NR2C2: variants seen among roughly 807,000 people sequenced by gnomAD.
The protein encoded by NR2C2 is nuclear receptor subfamily 2 group C member 2, also known as Nuclear hormone receptor TR4.
Under a neutral mutation model 62.9 loss-of-function variants are expected in NR2C2, and 6 were observed. That is an observed-to-expected ratio of 0.10 (90% CI 0.05 to 0.19). The LOEUF (loss-of-function observed/expected upper bound fraction) is 0.19. NR2C2 is among the 10% of genes least tolerant of loss of function. The probability of loss-of-function intolerance (pLI) is 1.00; values close to 1 mark genes in which losing one functional copy is unlikely to be tolerated. For missense variants in NR2C2, 479 were observed against 762.7 expected (o/e 0.63, Z 4.38); for synonymous variants, 272 against 273.8 (o/e 0.99, Z 0.07).
At chr3:14,958,558 C>A (rs1362336069) in intron 1 of NR2C2, among the ~76,000 whole-genome samples, 3 of 152,164 alleles carry the variant, frequency 2.0e-5, no homozygotes, top group Non-Finnish European at 4.4e-5. Flanking sequence ...TGTATAGTAA[C>A]CACTTAGTGT....
intron 1 of NR2C2, among the ~76,000 whole-genome samples, chr3:14,953,356 A>G (rs1358508649): frequency 6.6e-6 from 1 of 152,186 alleles, no homozygotes; most frequent in Non-Finnish European, 1.5e-5. Context: ...CCAAGTGTAA[A>G]AGAATATTTC....
chr3:14,957,819 G>C (rs981296672), intron 1 of NR2C2, among the ~76,000 whole-genome samples: 1 of 151,140 alleles, frequency 6.6e-6, no homozygotes, highest in African/African-American at 2.4e-5. Context: ...TTTTTTTTAA[G>C]ATCCAGATTT....
At chr3:14,987,741 G>A (rs1224529507) in intron 1 of NR2C2, among the ~76,000 whole-genome samples, 3 of 152,132 alleles carry the variant, frequency 2.0e-5, no homozygotes, top group Non-Finnish European at 4.4e-5. Flanking sequence ...TGTGTTCCCA[G>A]TGCCTGAAAT....
chr3:15,008,007 A>T (rs2041238423), intron 2 of NR2C2, among the ~76,000 whole-genome samples: 1 of 152,162 alleles, frequency 6.6e-6, no homozygotes, highest in East Asian at 1.9e-4. Flanking sequence ...TTTACAGTGA[A>T]AGAGGTGGCA....
At chr3:15,042,712 G>T (rs2042312443) in intron 13 of NR2C2, 122 bp from the exon 14 acceptor site, 1 of 786,506 alleles carries the variant, frequency 1.3e-6, no homozygotes, top group Non-Finnish European at 2.0e-6. Flanking sequence ...AGAGAGGTGG[G>T]TGGATGGTGG....
At chr3:15,019,158 G>A (rs1323130787) in intron 4 of NR2C2, among the ~76,000 whole-genome samples, 3 of 151,572 alleles carry the variant, frequency 2.0e-5, no homozygotes, top group Non-Finnish European at 4.4e-5. Context: ...CCCAGGAGGT[G>A]GAGGTTGCAG....
chr3:15,025,605 A>C (rs1242469375), intron 7 of NR2C2: 1 of 152,242 alleles, frequency 6.6e-6, no homozygotes, highest in Non-Finnish European at 1.5e-5. Flanking sequence ...CTACTTTCAG[A>C]AACTGTTTTC....
At chr3:15,006,394 T>C (rs2041171926) in intron 2 of NR2C2, among the ~76,000 whole-genome samples, 1 of 152,212 alleles carries the variant, frequency 6.6e-6, no homozygotes, top group Non-Finnish European at 1.5e-5. Context: ...TATGCTCTAA[T>C]ATACCCTGAC....
chr3:15,026,311 C>T (rs530101776), intron 7 of NR2C2: 1 of 152,342 alleles, frequency 6.6e-6, no homozygotes, highest in African/African-American at 2.4e-5. Flanking sequence ...GCGTGAGCCA[C>T]TACCCCTGGC....
At chr3:14,996,127 T>G (rs2040826310) in intron 1 of NR2C2, among the ~76,000 whole-genome samples, 1 of 152,240 alleles carries the variant, frequency 6.6e-6, no homozygotes, top group Non-Finnish European at 1.5e-5. Context: ...GTTTTCTTTT[T>G]CACTTTCTTA....
At chr3:15,013,354 TA>T (rs1180292137) in intron 2 of NR2C2, among the ~76,000 whole-genome samples, 1 of 152,250 alleles carries the variant, frequency 6.6e-6, no homozygotes, top group Middle Eastern at 3.2e-3. Flanking sequence ...ATTTTAATTC[TA>T]AAAACAGTAG....
intron 2 of NR2C2, 70 bp from the exon 3 acceptor site, chr3:15,013,519 T>G (rs891525753): frequency 3.5e-6 from 5 of 1,424,610 alleles, no homozygotes; most frequent in Non-Finnish European, 4.9e-6. Flanking sequence ...GTCACCACTT[T>G]GAGCACCACC....
chr3:14,964,462 G>A (rs2039778675), intron 1 of NR2C2, among the ~76,000 whole-genome samples: 1 of 151,556 alleles, frequency 6.6e-6, no homozygotes, highest in African/African-American at 2.4e-5. Context: ...TTATTGTCAT[G>A]CATTTGGTAT....
intron 2 of NR2C2, among the ~76,000 whole-genome samples, chr3:15,009,259 A>G (rs1251174742): frequency 6.6e-6 from 1 of 152,128 alleles, no homozygotes; most frequent in African/African-American, 2.4e-5. Context: ...TTACCTAGAA[A>G]AAGCCTTGTA....
intron 1 of NR2C2, among the ~76,000 whole-genome samples, chr3:14,995,236 G>A (rs1224612653): frequency 1.3e-5 from 2 of 148,150 alleles, no homozygotes; most frequent in African/African-American, 2.5e-5. Context: ...TATTTAAGGT[G>A]TAGAATTCTG....
At chr3:14,965,728 A>C (rs1036134139) in intron 1 of NR2C2, among the ~76,000 whole-genome samples, 1 of 151,874 alleles carries the variant, frequency 6.6e-6, no homozygotes, top group East Asian at 1.9e-4. Context: ...CAATGGCGTG[A>C]TCTCAGCTCA....
rs977164087 is a variant in NR2C2 at position 14,958,172 on chromosome 3, A to G, written c.-40+10266A>G. Among the ~76,000 whole-genome samples the G allele has an allele frequency of 1.7e-3, 260 of 152,290 alleles. 2 individuals carry two copies. Among genetic ancestry groups the G allele is most frequent in the Non-Finnish European group, 1.2e-3 (80 of 68,024 alleles). ...TTGCATAGATACTTCAGTTTCCTTC[A>G]TAAGTTCATCAAGGACAAGGACTGT... On this transcript the variant is annotated intron_variant, in intron 1 of 13. Transcript: ENST00000425241.
intron 1 of NR2C2, among the ~76,000 whole-genome samples, chr3:14,955,449 T>C (rs991834527): frequency 6.6e-6 from 1 of 152,144 alleles, no homozygotes; most frequent in African/African-American, 2.4e-5. Context: ...TTTTTCATTC[T>C]CTCCTTGACT....
intron 1 of NR2C2, among the ~76,000 whole-genome samples, chr3:14,951,497 G>GT (rs1195421814): frequency 1.8e-4 from 27 of 150,434 alleles, no homozygotes; most frequent in South Asian, 4.2e-4. Context: ...TTATTTTTGG[G>GT]TTTTTTTTTC....
Sources: gnomAD v4.1 joint callset for allele counts (sites outside exome capture counted in the v4.1 genomes callset) on GRCh38, gnomAD v4.1.1 for gene constraint, MANE v1.5 for transcripts, NCBI Gene and HGNC (gene_info 2026-07-23, HGNC 2026-07-21) for gene names.